The following CSMD3 variants were observed in gnomAD, a reference collection of about 807,000 sequenced individuals.
The protein encoded by CSMD3 is CUB and Sushi multiple domains 3.
CSMD3 carries 177 observed loss-of-function variants against 435.2 expected under a neutral mutation model. The observed-to-expected ratio is 0.41, with a 90% CI of 0.36 to 0.46. The LOEUF (loss-of-function observed/expected upper bound fraction) is 0.46. CSMD3 is among the 20% of genes least tolerant of loss of function. The probability of loss-of-function intolerance (pLI) is 0.34; values close to 1 mark genes in which losing one functional copy is unlikely to be tolerated. For missense variants in CSMD3, 4,265 were observed against 4,504.6 expected, an observed-to-expected ratio of 0.95 and a Z score of 1.52; for synonymous variants, 1,656 against 1,520.5, an observed-to-expected ratio of 1.09 and a Z score of -2.07.
chr8:113,349,855 G>A (rs544536453), intron 1 of CSMD3, among the ~76,000 whole-genome samples: 13 of 151,936 alleles, frequency 8.6e-5, no homozygotes, highest in African/African-American at 1.7e-4. Flanking sequence ...CACTCCCCCC[G>A]TTAAGATATG....
chr8:112,916,642 G>A (rs958074785), intron 10 of CSMD3, among the ~76,000 whole-genome samples: 2 of 151,856 alleles, frequency 1.3e-5, no homozygotes, highest in Admixed American at 1.3e-4. Flanking sequence ...AAAAACACCT[G>A]CTATATGCAT....
chr8:112,879,869 A>T (rs1296475563), intron 10 of CSMD3, among the ~76,000 whole-genome samples: 1 of 151,984 alleles, frequency 6.6e-6, no homozygotes, highest in Non-Finnish European at 1.5e-5. Flanking sequence ...GAGTTGAACA[A>T]TGAGAATACA....
chr8:112,269,628 C>T (rs1244311381), intron 59 of CSMD3, among the ~76,000 whole-genome samples: 1 of 152,140 alleles, frequency 6.6e-6, no homozygotes, highest in Non-Finnish European at 1.5e-5. Flanking sequence ...GCCTGTTAGA[C>T]ATTGAAAGCT....
chr8:113,288,089 CAA>C (rs1214905769), intron 2 of CSMD3, among the ~76,000 whole-genome samples: 1 of 151,772 alleles, frequency 6.6e-6, no homozygotes, highest in African/African-American at 2.4e-5. Context: ...ATTTCTAGCA[CAA>C]GTTACAGTAA....
At chr8:113,327,934 G>A (rs1161640408) in intron 1 of CSMD3, among the ~76,000 whole-genome samples, 2 of 152,172 alleles carry the variant, frequency 1.3e-5, no homozygotes, top group African/African-American at 4.8e-5. Context: ...TTATGTGCAT[G>A]TACAGGCCTG....
intron 5 of CSMD3, among the ~76,000 whole-genome samples, chr8:113,072,248 G>A (rs1425453950): frequency 6.6e-6 from 1 of 151,652 alleles, no homozygotes; most frequent in Non-Finnish European, 1.5e-5. Flanking sequence ...ATCATCTAAA[G>A]CATTAATTTT....
rs1239293871 is a variant in CSMD3 at position 112,783,412 on chromosome 8, A to G, written c.1972+16750T>C. Among the ~76,000 whole-genome samples, 442 of 78,858 alleles carry G rather than the reference A, an allele frequency of 5.6e-3. 8 individuals are homozygous for G. Among genetic ancestry groups the G allele is most frequent in the African/African-American group, 0.02 (351 of 17,456 alleles). 51.7% of individuals were successfully genotyped at this position (78,858 alleles called of 152,430 possible). On this transcript the variant is annotated intron_variant, in intron 13 of 70. Coordinates refer to ENST00000297405, the MANE Select transcript of CSMD3 (RefSeq NM_198123.2). ...AACGAAGGAAGGAAGGAAGGAAGGAAGGAGGGAGGGAGGGAAGGAAGGAAG... is the reference window on the plus strand; with the variant it reads ...AACGAAGGAAGGAAGGAAGGAAGGAGGGAGGGAGGGAGGGAAGGAAGGAAG...
intron 22 of CSMD3, among the ~76,000 whole-genome samples, chr8:112,627,821 T>C (rs1035909241): frequency 6.6e-6 from 1 of 152,178 alleles, no homozygotes; most frequent in Non-Finnish European, 1.5e-5. Flanking sequence ...AACTTTATAC[T>C]GTCTTCTGTT....
intron 7 of CSMD3, among the ~76,000 whole-genome samples, chr8:112,973,599 T>G (rs1564165938): frequency 6.6e-6 from 1 of 151,956 alleles, no homozygotes; most frequent in African/African-American, 2.4e-5. Flanking sequence ...GTCAGCCATT[T>G]CCAGTTTAGA....
Position 112,383,547 on chromosome 8 carries a change from A to C in CSMD3, c.6031+20T>G. The C allele has an allele frequency of 7.9e-7, 1 of 1,264,742 alleles. No homozygotes were observed. The highest frequency in any genetic ancestry group is 1.2e-5 in the South Asian group (1 of 83,842). The allele number at this position is 1,264,742 out of a possible 1,614,324, so 78.3% of individuals were successfully genotyped here. ...CCTAATTATATCTGTATTTTAATTAAGCTCAGCTCTCTTATTTACCTGAAT... is the reference window on the plus strand; with the variant it reads ...CCTAATTATATCTGTATTTTAATTACGCTCAGCTCTCTTATTTACCTGAAT... On this transcript the variant is annotated intron_variant, in intron 37 of 70. Transcript: ENST00000297405.
intron 47 of CSMD3, 106 bp from the exon 48 acceptor site, chr8:112,314,723 A>G: frequency 1.3e-6 from 1 of 778,124 alleles, no homozygotes; most frequent in Non-Finnish European, 2.2e-6. Flanking sequence ...AGCTATAAGG[A>G]TGATACGTTG....
rs2130383365 is a variant in CSMD3, at chr8:112,263,722, G to C, written c.9779C>G (p.Ser3260Cys). 6.2e-7 allele frequency: 1 copy of C among 1,613,778 alleles called. No individual in the cohort carries two copies. The highest frequency in any genetic ancestry group is 8.5e-7 in the Non-Finnish European group (1 of 1,179,734). ...AGGGAAGGATAGCTCATAGCCTGGAGAACAGATGTAGCTAATACTAAAGCC... is the reference window on the plus strand; with the variant it reads ...AGGGAAGGATAGCTCATAGCCTGGACAACAGATGTAGCTAATACTAAAGCC... The part of the protein sequence containing the change: ...DWGFSISYIC[S>C]PGYELSFPAV... The change falls in exon 61 of 71, where the codon TCT becomes TGT. Residue 3260 changes from serine (S) to cysteine (C), a missense_variant. This residue lies in a region of CSMD3 where 3,255 missense variants were observed against 3,380.2 expected (regional missense o/e 0.96). Transcript: ENST00000297405.
intron 13 of CSMD3, among the ~76,000 whole-genome samples, chr8:112,699,269 C>G (rs1337591681): frequency 6.6e-6 from 1 of 152,088 alleles, no homozygotes; most frequent in African/African-American, 2.4e-5. Context: ...AGCAAGACCA[C>G]GAACCCACCA....
chr8:112,916,689 C>G (rs928596738), intron 10 of CSMD3, among the ~76,000 whole-genome samples: 3 of 151,886 alleles, frequency 2.0e-5, no homozygotes, highest in Non-Finnish European at 2.9e-5. Flanking sequence ...CTGATATGTT[C>G]TTGGGCAAAA....
At chr8:112,316,859 T>G (rs2130850196) in intron 47 of CSMD3, among the ~76,000 whole-genome samples, 1 of 152,002 alleles carries the variant, frequency 6.6e-6, no homozygotes, top group East Asian at 1.9e-4. Context: ...GTGAGACACA[T>G]AGAGCTACAG....
intron 27 of CSMD3, among the ~76,000 whole-genome samples, chr8:112,543,571 T>G (rs1826878082): frequency 6.6e-6 from 1 of 152,040 alleles, no homozygotes; most frequent in East Asian, 1.9e-4. Context: ...TATTATTTAT[T>G]AAAAAAAGGT....
chr8:112,877,647 C>T (rs151326554), intron 10 of CSMD3, among the ~76,000 whole-genome samples: 1 of 152,136 alleles, frequency 6.6e-6, no homozygotes, highest in Non-Finnish European at 1.5e-5. Context: ...GGAGGCACCA[C>T]ACTACCTGAC....
intron 20 of CSMD3, 112 bp downstream of exon 20, chr8:112,644,997 G>C: frequency 1.3e-6 from 1 of 761,412 alleles, no homozygotes; most frequent in Non-Finnish European, 2.4e-6. Flanking sequence ...GCATATTGTA[G>C]TACTGATCTG....
intron 32 of CSMD3, among the ~76,000 whole-genome samples, chr8:112,459,788 A>G (rs1050657691): frequency 1.3e-5 from 2 of 152,150 alleles, no homozygotes; most frequent in African/African-American, 4.8e-5. Context: ...CTTCTTTACC[A>G]GTTTCAAGCA....
Sources: gnomAD v4.1 joint callset for allele counts (sites outside exome capture counted in the v4.1 genomes callset) on GRCh38, gnomAD v4.1.1 for gene constraint, gnomAD v4.1.1 regional missense constraint, MANE v1.5 for transcripts, NCBI Gene and HGNC (gene_info 2026-07-23, HGNC 2026-07-21) for gene names.